The following TMEM131 variants were observed in gnomAD, a reference collection of about 807,000 sequenced individuals.
TMEM131 encodes the protein transmembrane protein 131.
TMEM131 carries 66 observed loss-of-function variants against 211.6 expected under a neutral mutation model. The observed-to-expected ratio is 0.31, with a 90% CI of 0.26 to 0.38. The LOEUF is 0.38. TMEM131 is among the 10% of genes least tolerant of loss of function. The pLI is 1.00. For synonymous variants in TMEM131, 844 were observed against 841.3 expected, an observed-to-expected ratio of 1.00 and a Z score of -0.06; for missense variants, 2,036 against 2,299.3, an observed-to-expected ratio of 0.89 and a Z score of 2.34.
In TMEM131 at chr2:97,966,500, C is replaced by T. The variant is rs1679065439; in HGVS notation, c.187+28976G>A. 4.6e-5 allele frequency among the ~76,000 whole-genome samples: 7 copies of T among 152,280 alleles called. No individual in the cohort carries two copies. The South Asian group carries it at 1.5e-3, about 32-fold the overall frequency. On this transcript the variant is annotated intron_variant, in intron 1 of 40. Transcript: ENST00000186436. ...TTGAGGCCAGGAATCACCCCTTCTTCATCTCTTAGGTTCCAACGACCAATC... is the reference window on the plus strand; with the variant it reads ...TTGAGGCCAGGAATCACCCCTTCTTTATCTCTTAGGTTCCAACGACCAATC...
At chr2:97,943,954 C>T (rs769188433) in intron 1 of TMEM131, among the ~76,000 whole-genome samples, 9 of 151,916 alleles carry the variant, frequency 5.9e-5, no homozygotes, top group South Asian at 4.2e-4. Context: ...TGGTGGTGCG[C>T]GCCTGTAGTC....
chr2:97,760,555 C>T (rs1205787376), intron 38 of TMEM131, 38 bp downstream of exon 38: 16 of 1,571,140 alleles, frequency 1.0e-5, no homozygotes, highest in South Asian at 2.3e-5. Context: ...CTTGAGAAGC[C>T]TTCCGTCTTT....
intron 18 of TMEM131, among the ~76,000 whole-genome samples, chr2:97,810,367 G>A (rs959617656): frequency 2.7e-4 from 41 of 152,162 alleles, no homozygotes; most frequent in Non-Finnish European, 5.9e-4. Context: ...ACTTATTTCT[G>A]TCATGAGTGA....
chr2:97,968,626 G>A (rs1233168763), intron 1 of TMEM131, among the ~76,000 whole-genome samples: 1 of 152,136 alleles, frequency 6.6e-6, no homozygotes, highest in Non-Finnish European at 1.5e-5. Flanking sequence ...ATGTTTGTAG[G>A]GAAGCCTGCA....
At chr2:97,814,472 A>T in intron 13 of TMEM131, 84 bp from the exon 14 acceptor site, 5 of 1,242,144 alleles carry the variant, frequency 4.0e-6, no homozygotes, top group South Asian at 1.6e-5. Context: ...TGTTGTAAGT[A>T]ATAATTTACA....
rs758418962 is a variant in TMEM131 at position 97,811,257 on chromosome 2, T to C, written c.1864-25A>G. On this transcript the variant is annotated intron_variant, in intron 17 of 40. Transcript: ENST00000186436. ...CCTGTAGATAGTAGAAATGGTATCATTCATTAGCCTTGTTAGTTGAAGTTT... is the reference window on the plus strand; with the variant it reads ...CCTGTAGATAGTAGAAATGGTATCACTCATTAGCCTTGTTAGTTGAAGTTT... 6 of 1,558,610 alleles carry C rather than the reference T, an allele frequency of 3.8e-6. No individual in the cohort carries two copies. The Admixed American group carries it at 6.7e-5, about 17-fold the overall frequency.
chr2:97,898,042 T>C (rs1675689518), intron 3 of TMEM131, among the ~76,000 whole-genome samples: 1 of 152,136 alleles, frequency 6.6e-6, no homozygotes, highest in South Asian at 2.1e-4. Flanking sequence ...ATAAGATCTG[T>C]AGTGATATCC....
Position 97,792,809 on chromosome 2 carries a change from A to G in TMEM131, c.3721T>C (p.Ser1241Pro). The G allele has an allele frequency of 1.2e-6, 2 of 1,613,996 alleles. No homozygotes were observed. The highest frequency in any genetic ancestry group is 3.3e-5 in the Admixed American group (2 of 60,018). Residue 1241 changes from serine to proline, a missense_variant, in exon 31 of 41, where the codon TCA (serine) becomes CCA (proline). Ser to Pro is a moderately conservative substitution (Grantham distance 74). Transcript: ENST00000186436. ...GCAGAAGTCCTACTAGAGGTACTTG[A>G]ACTGTTTTTGGCTCTGACGTTTTCC... Reference protein sequence around the residue: ...DVENVRAKNSSSTSSRTSAQA... With the variant: ...DVENVRAKNSPSTSSRTSAQA...
chr2:97,901,404 T>TAA (rs1312035687), intron 3 of TMEM131, among the ~76,000 whole-genome samples: 1 of 152,062 alleles, frequency 6.6e-6, no homozygotes, highest in African/African-American at 2.4e-5. Flanking sequence ...TGGTGAGAGA[T>TAA]AAGAGTTGAC....
intron 2 of TMEM131, among the ~76,000 whole-genome samples, chr2:97,914,415 T>C (rs1449242785): frequency 6.6e-6 from 1 of 152,212 alleles, no homozygotes; most frequent in Non-Finnish European, 1.5e-5. Flanking sequence ...TGTTTGTTCA[T>C]GTATTTAGTT....
At chr2:97,807,128 G>A (rs1681344947) in intron 19 of TMEM131, among the ~76,000 whole-genome samples, 2 of 152,176 alleles carry the variant, frequency 1.3e-5, no homozygotes, top group African/African-American at 4.8e-5. Flanking sequence ...GTAAGCTCTA[G>A]TATTCTCCAT....
chr2:97,949,215 C>T (rs928288396), intron 1 of TMEM131, among the ~76,000 whole-genome samples: 2 of 152,028 alleles, frequency 1.3e-5, no homozygotes, highest in African/African-American at 4.8e-5. Context: ...ACATTACAGA[C>T]AAATCTAAAA....
At chr2:97,974,732 C>T (rs550853178) in intron 1 of TMEM131, among the ~76,000 whole-genome samples, 84 of 151,210 alleles carry the variant, frequency 5.6e-4, no homozygotes, top group African/African-American at 1.9e-3. Context: ...AAAAACATGT[C>T]GACCTGTAAT....
chr2:97,962,093 G>A (rs866745221), intron 1 of TMEM131, among the ~76,000 whole-genome samples: 2 of 152,152 alleles, frequency 1.3e-5, no homozygotes, highest in African/African-American at 2.4e-5. Flanking sequence ...TTGTGATCTT[G>A]TGGTAGGCAA....
intron 1 of TMEM131, among the ~76,000 whole-genome samples, chr2:97,992,535 A>T (rs1030657133): frequency 2.0e-5 from 3 of 152,178 alleles, no homozygotes; most frequent in African/African-American, 7.2e-5. Context: ...AACTTATTCG[A>T]ATTTATATTT....
At chr2:97,791,081 T>C (rs1055565422) in intron 31 of TMEM131, among the ~76,000 whole-genome samples, 1 of 152,328 alleles carries the variant, frequency 6.6e-6, no homozygotes, top group East Asian at 1.9e-4. Flanking sequence ...ATAATGTATA[T>C]TAGCATGGCT....
At position 97,885,228 on chromosome 2, in the gene TMEM131, C is replaced by T. The variant is rs147587769; in HGVS notation, c.359+2824G>A. Among the ~76,000 whole-genome samples, 185 of 152,098 alleles carry T rather than the reference C, an allele frequency of 1.2e-3. 1 individual carries two copies. The highest frequency in any genetic ancestry group is 4.3e-3 in the African/African-American group (178 of 41,466). The stretch of plus-strand genomic sequence containing the variant: ...GATTTTTTTTTTTGAGACGGAGTCT[C>T]GCTCTGTCACCCAGCCTGGAGGGCA... On this transcript the variant is annotated intron_variant, in intron 4 of 40. Coordinates refer to ENST00000186436, the MANE Select transcript of TMEM131 (RefSeq NM_015348.2).
In TMEM131 at chr2:97,993,968, G is replaced by A. The variant is rs1388121689; in HGVS notation, c.187+1508C>T. On this transcript the variant is annotated intron_variant, in intron 1 of 40. Transcript: ENST00000186436. Reference sequence around the variant, plus strand: ...TATTTCAATTCCCTGTGCTAAGGGCGCATGAAGACAGTCATTCACTCAAAG... The same window carrying A: ...TATTTCAATTCCCTGTGCTAAGGGCACATGAAGACAGTCATTCACTCAAAG... Among the ~76,000 whole-genome samples the A allele has an allele frequency of 2.6e-5, 4 of 152,300 alleles. No homozygotes were observed. In the South Asian group the frequency reaches 8.3e-4, roughly 32 times the overall value.
intron 1 of TMEM131, among the ~76,000 whole-genome samples, chr2:97,942,723 C>T (rs1041495661): frequency 3.3e-5 from 5 of 151,910 alleles, no homozygotes; most frequent in African/African-American, 4.8e-5. Context: ...AAAGTTTCCC[C>T]GCAAAGAATA....
Sources: gnomAD v4.1 joint callset for allele counts (sites outside exome capture counted in the v4.1 genomes callset) on GRCh38, gnomAD v4.1.1 for gene constraint, MANE v1.5 for transcripts, NCBI Gene and HGNC (gene_info 2026-07-23, HGNC 2026-07-21) for gene names.